The following TMOD2 variants were observed in gnomAD, a reference collection of about 807,000 sequenced individuals.
TMOD2 encodes the protein tropomodulin-2.
In TMOD2, 22 loss-of-function variants were observed where a neutral mutation model predicts 39.9. The observed-to-expected ratio is 0.55, with a 90% confidence interval of 0.39 to 0.79. The LOEUF (loss-of-function observed/expected upper bound fraction) is 0.79. Among genes scored for constraint, TMOD2 ranks in the 30% least tolerant of loss-of-function variants. The pLI, the probability that TMOD2 is intolerant of heterozygous loss-of-function variation, is 0.00. For synonymous variants in TMOD2, 123 were observed against 146.1 expected, an observed-to-expected ratio of 0.84 and a Z score of 1.14; for missense variants, 386 against 413.3, an observed-to-expected ratio of 0.93 and a Z score of 0.57.
In TMOD2 at chr15:51,777,010, C is replaced by A. The variant is rs769002817; in HGVS notation, c.485C>A (p.Pro162His). The A allele has an allele frequency of 1.2e-6, 2 of 1,613,628 alleles. No individual in the cohort carries two copies. The highest frequency in any genetic ancestry group is 2.2e-5 in the South Asian group (2 of 91,054). The change falls in exon 5 of 10, where the codon CCT becomes CAT. Residue 162 changes from proline to histidine, a missense_variant. By Grantham distance (77) the Pro-to-His change is moderately conservative. Transcript: ENST00000249700. ...GCCAACAATAAAGGTGGCAAAGGAC[C>A]TGTCAGAAGTAAGTTGATGTGCAAT... ...ETANNKGGKG[P>H]VRNVVKGEKV...
rs374870535 is a variant in TMOD2, at chr15:51,803,827, A to C, written c.877-2550A>C. On this transcript the variant is annotated intron_variant, in intron 8 of 9. Coordinates refer to ENST00000249700, the MANE Select transcript of TMOD2 (RefSeq NM_014548.4). ...ATGGCATGGATTGGTAGTTCCTGAG[A>C]AAAAAGAAATATAAACCTGTAAGAA... is the stretch of plus-strand genomic sequence containing the variant. Among the ~76,000 whole-genome samples the C allele has an allele frequency of 6.6e-5, 10 of 152,362 alleles. No individual in the cohort carries two copies. In the East Asian group the frequency reaches 1.9e-3, roughly 29 times the overall value.
chr15:51,762,632 A>G (rs995705992), intron 1 of TMOD2, among the ~76,000 whole-genome samples: 2 of 152,208 alleles, frequency 1.3e-5, no homozygotes, highest in Non-Finnish European at 2.9e-5. Flanking sequence ...CATCACCACA[A>G]TCAAGGTAGT....
intron 6 of TMOD2, 43 bp from the exon 7 acceptor site, chr15:51,782,678 C>T (rs1339002388): frequency 2.7e-6 from 4 of 1,472,312 alleles, no homozygotes; most frequent in African/African-American, 2.8e-5. Flanking sequence ...CAAGAGTGTG[C>T]CATACAATGG....
At chr15:51,805,172 C>A (rs2056114326) in intron 8 of TMOD2, among the ~76,000 whole-genome samples, 1 of 151,612 alleles carries the variant, frequency 6.6e-6, no homozygotes, top group Non-Finnish European at 1.5e-5. Flanking sequence ...GTTGCCCGGG[C>A]TGGTCTCAAA....
chr15:51,773,346 A>C (rs1306018488), intron 3 of TMOD2, among the ~76,000 whole-genome samples: 1 of 152,224 alleles, frequency 6.6e-6, no homozygotes, highest in South Asian at 2.1e-4. Flanking sequence ...GGGGAGAGGT[A>C]CAGCCACAGG....
chr15:51,815,925 T>C lies in TMOD2; in HGVS notation c.*7471T>C, dbSNP rs1450804606. 1 of 152,228 alleles carries C rather than the reference T, an allele frequency of 6.6e-6. No homozygotes were observed. Among genetic ancestry groups the C allele is most frequent in the Non-Finnish European group, 1.5e-5 (1 of 68,030 alleles). 9.4% of individuals were successfully genotyped at this position (152,228 alleles called of 1,614,324 possible). A position where few individuals can be genotyped will look rare whatever the true frequency, so the allele number is the denominator to read the frequency against. Reference sequence around the variant, plus strand: ...ACTTTGCAAACTGTTTAAACAAGTGTTTAAACTTCTATTGGCAACATTTAT... The same window carrying C: ...ACTTTGCAAACTGTTTAAACAAGTGCTTAAACTTCTATTGGCAACATTTAT... On this transcript the variant is annotated 3_prime_UTR_variant, in exon 10 of 10. Transcript: ENST00000249700.
intron 1 of TMOD2, among the ~76,000 whole-genome samples, chr15:51,761,170 A>G (rs1173967356): frequency 6.6e-6 from 1 of 152,216 alleles, no homozygotes; most frequent in Non-Finnish European, 1.5e-5. Context: ...GGAAAAACAG[A>G]AATCTTTCAA....
chr15:51,758,279 C>G (rs1161027176), intron 1 of TMOD2, among the ~76,000 whole-genome samples: 1 of 152,054 alleles, frequency 6.6e-6, no homozygotes, highest in Non-Finnish European at 1.5e-5. Context: ...ATGTATTTTC[C>G]TACTGAAGTA....
At chr15:51,753,465 A>G (rs1456987021) in intron 1 of TMOD2, among the ~76,000 whole-genome samples, 3 of 152,220 alleles carry the variant, frequency 2.0e-5, no homozygotes, top group Non-Finnish European at 4.4e-5. Flanking sequence ...GGGGCAGAGC[A>G]AATGGGAGCA....
intron 7 of TMOD2, among the ~76,000 whole-genome samples, chr15:51,795,555 CT>C (rs1160907350): frequency 1.3e-5 from 2 of 148,426 alleles, no homozygotes; most frequent in African/African-American, 5.0e-5. Flanking sequence ...TTGATAACTT[CT>C]TCTCTTCTGC....
At chr15:51,753,839 CA>C (rs1248306829) in intron 1 of TMOD2, among the ~76,000 whole-genome samples, 1 of 151,488 alleles carries the variant, frequency 6.6e-6, no homozygotes, top group Non-Finnish European at 1.5e-5. Flanking sequence ...GTTGGTGAAT[CA>C]AGAAGAAAAC....
At chr15:51,781,436 G>T (rs2055928896) in intron 6 of TMOD2, among the ~76,000 whole-genome samples, 1 of 152,220 alleles carries the variant, frequency 6.6e-6, no homozygotes, top group Admixed American at 6.5e-5. Context: ...AAACTTAGAG[G>T]CTTCAAACAA....
intron 1 of TMOD2, among the ~76,000 whole-genome samples, chr15:51,763,908 G>A (rs923452303): frequency 6.6e-6 from 1 of 152,248 alleles, no homozygotes; most frequent in African/African-American, 2.4e-5. Context: ...ATTAAGTAGG[G>A]TGCTTCAACC....
In TMOD2 at chr15:51,810,621, A is replaced by G. The variant is rs375521239; in HGVS notation, c.*2167A>G. ...GGTGAAATTATACATTTTTTTATAC[A>G]TATGTTTCGCTTATCATGTTGCCGA... On this transcript the variant is annotated 3_prime_UTR_variant, in exon 10 of 10. Coordinates refer to ENST00000249700, the MANE Select transcript of TMOD2 (RefSeq NM_014548.4). The G allele has an allele frequency of 6.6e-6, 1 of 152,112 alleles. No individual in the cohort carries two copies. Among genetic ancestry groups the G allele is most frequent in the Non-Finnish European group, 1.5e-5 (1 of 68,030 alleles). 9.4% of individuals were successfully genotyped at this position (152,112 alleles called of 1,614,324 possible). A position where few individuals can be genotyped will look rare whatever the true frequency, so the allele number is the denominator to read the frequency against.
Position 51,798,345 on chromosome 15 carries a change from G to C in TMOD2, c.876+5G>C. On this transcript the variant is annotated splice_donor_5th_base_variant and intron_variant, in intron 8 of 9. Transcript: ENST00000249700. ...GAAATCAAGATTGACAACCAGGTAAGGAAGGCCAGAGAATAGGCAAAGTCA... is the reference window on the plus strand; with the variant it reads ...GAAATCAAGATTGACAACCAGGTAACGAAGGCCAGAGAATAGGCAAAGTCA... 1 of 1,613,296 alleles carries C rather than the reference G, an allele frequency of 6.2e-7. No homozygotes were observed. The highest frequency in any genetic ancestry group is 8.5e-7 in the Non-Finnish European group (1 of 1,179,794).
At chr15:51,807,350 G>A (rs1333403656) in intron 9 of TMOD2, among the ~76,000 whole-genome samples, 1 of 152,216 alleles carries the variant, frequency 6.6e-6, no homozygotes, top group East Asian at 1.9e-4. Flanking sequence ...CTAAAGGTTA[G>A]AACGGGAAGG....
chr15:51,799,630 A>ATG (rs113474907), intron 8 of TMOD2, among the ~76,000 whole-genome samples: 2,008 of 152,226 alleles, frequency 0.013, 46 homozygotes, highest in African/African-American at 0.047. Flanking sequence ...ACCCCAGGGG[A>ATG]TGTGCCACAC....
At chr15:51,770,970 A>C (rs986376471) in intron 3 of TMOD2, among the ~76,000 whole-genome samples, 4 of 152,244 alleles carry the variant, frequency 2.6e-5, no homozygotes, top group African/African-American at 4.8e-5. Flanking sequence ...AGTCCCAATT[A>C]ACATCAAGTA....
intron 8 of TMOD2, among the ~76,000 whole-genome samples, chr15:51,798,544 C>A (rs1223402568): frequency 6.6e-6 from 1 of 152,204 alleles, no homozygotes; most frequent in Non-Finnish European, 1.5e-5. Flanking sequence ...TACAGTGGGG[C>A]AGCCTGGGAC....
Sources: gnomAD v4.1 joint callset for allele counts (sites outside exome capture counted in the v4.1 genomes callset) on GRCh38, gnomAD v4.1.1 for gene constraint, MANE v1.5 for transcripts, NCBI Gene and HGNC (gene_info 2026-07-23, HGNC 2026-07-21) for gene names.